The following SFMBT2 variants were observed in gnomAD, a reference collection of about 807,000 sequenced individuals.
SFMBT2 encodes the protein Scm like with four mbt domains 2, also known as scm-like with four MBT domains protein 2.
In SFMBT2, 38 loss-of-function variants were observed where a neutral mutation model predicts 110.1. The ratio of observed to expected loss-of-function variants is 0.35; its 90% confidence interval spans 0.27 to 0.45. The LOEUF is 0.45. Among genes scored for constraint, SFMBT2 ranks in the 20% least tolerant of loss-of-function variants. SFMBT2 has a pLI of 1.00. For missense variants in SFMBT2, 1,011 were observed against 1,094.9 expected (o/e 0.92, Z 1.08); for synonymous variants, 425 against 425.4 (o/e 1.00, Z 0.01).
In SFMBT2 at chr10:7,171,862, G is replaced by C; in HGVS notation, c.2415+33C>G. On this transcript the variant is annotated intron_variant, in intron 19 of 20. Transcript: ENST00000397167. This position sits in a 1 kb window ranked among gnomAD's most constrained non-coding sequence, Gnocchi z 4.9. ...ACAGGTGTGCTTCTTCAGACCCAGC[G>C]GGAAGCCCTCTGTCCCCACGCCCGG... is the stretch of plus-strand genomic sequence containing the variant. 1 of 1,389,450 alleles carries C rather than the reference G, an allele frequency of 7.2e-7. No individual in the cohort carries two copies. The highest frequency in any genetic ancestry group is 1.6e-5 in the South Asian group (1 of 61,194). The allele number at this position is 1,389,450 out of a possible 1,614,324, so 86.1% of individuals were successfully genotyped here. A position where few individuals can be genotyped will look rare whatever the true frequency, so the allele number is the denominator to read the frequency against.
chr10:7,247,120 T>C (rs1840642558), intron 8 of SFMBT2, among the ~76,000 whole-genome samples: 1 of 152,120 alleles, frequency 6.6e-6, no homozygotes, highest in African/African-American at 2.4e-5. Flanking sequence ...GTTTTTGTTG[T>C]TGTTTGTTTG....
intron 1 of SFMBT2, chr10:7,409,152 C>T (rs1846304168): frequency 6.6e-6 from 1 of 152,094 alleles, no homozygotes; most frequent in South Asian, 2.1e-4. Context: ...CCACCTCCCA[C>T]CCCAGAGCGG....
chr10:7,389,845 C>T (rs1357766069), intron 1 of SFMBT2, among the ~76,000 whole-genome samples: 1 of 152,200 alleles, frequency 6.6e-6, no homozygotes, highest in Non-Finnish European at 1.5e-5. Flanking sequence ...CAGATTATCC[C>T]TTTATGTTTG....
intron 4 of SFMBT2, among the ~76,000 whole-genome samples, chr10:7,311,045 C>CAAAAAAAAAAAAAAAAAACAAAAAAA (rs1842841674): frequency 2.1e-5 from 2 of 96,942 alleles, no homozygotes; most frequent in African/African-American, 3.9e-5. Context: ...AACTCCATCT[C>CAAAAAAAAAAAAAAAAAACAAAAAAA]AAAAAAAAAA....
chr10:7,397,682 T>G (rs991875788), intron 1 of SFMBT2, among the ~76,000 whole-genome samples: 11 of 152,224 alleles, frequency 7.2e-5, no homozygotes, highest in Middle Eastern at 3.2e-3. Context: ...TCCATGTTCC[T>G]AAGAAGCAGC....
intron 4 of SFMBT2, among the ~76,000 whole-genome samples, chr10:7,358,793 G>A (rs1354541465): frequency 1.3e-5 from 2 of 150,652 alleles, no homozygotes; most frequent in Admixed American, 6.6e-5. Context: ...TGGAATGGAG[G>A]CATGGTGGCC....
At position 7,242,549 on chromosome 10, in the gene SFMBT2, G is replaced by A. The variant is rs184166364; in HGVS notation, c.1120+1009C>T. Among the ~76,000 whole-genome samples, 526 of 152,300 alleles carry A rather than the reference G, an allele frequency of 3.5e-3. 2 individuals are homozygous for A. Among genetic ancestry groups the A allele is most frequent in the Admixed American group, 8.6e-3 (131 of 15,300 alleles). ...GTAAGTTTACCATATACCATTAGGCGGAACTCCATGACTGCACAACTTTAA... is the reference window on the plus strand; with the variant it reads ...GTAAGTTTACCATATACCATTAGGCAGAACTCCATGACTGCACAACTTTAA... On this transcript the variant is annotated intron_variant, in intron 9 of 20. Transcript: ENST00000397167.
chr10:7,363,631 C>T (rs1013354893), intron 4 of SFMBT2, among the ~76,000 whole-genome samples: 38 of 152,266 alleles, frequency 2.5e-4, no homozygotes, highest in African/African-American at 7.2e-4. Flanking sequence ...CAGGCGTGAG[C>T]CACCACACCC....
At chr10:7,323,454 AAAAAAAAAAAAAAACC>A (rs1195716606) in intron 4 of SFMBT2, among the ~76,000 whole-genome samples, 3 of 121,704 alleles carry the variant, frequency 2.5e-5, no homozygotes, top group Admixed American at 8.6e-5. Context: ...CCATCTCAAA[AAAAAAAAAAAAAAACC>A]AAAAAAAAAA....
intron 15 of SFMBT2, among the ~76,000 whole-genome samples, chr10:7,195,574 G>C (rs927192317): frequency 2.0e-5 from 3 of 152,170 alleles, no homozygotes; most frequent in Admixed American, 1.3e-4. Context: ...CTCTAAACAC[G>C]AACAAGGGCC....
intron 6 of SFMBT2, among the ~76,000 whole-genome samples, chr10:7,279,483 C>G (rs1211901533): frequency 1.3e-5 from 2 of 152,198 alleles, no homozygotes; most frequent in Non-Finnish European, 2.9e-5. Flanking sequence ...CTGACACAAC[C>G]AGCAGAGAAC....
At chr10:7,372,755 C>T (rs1220961062) in intron 2 of SFMBT2, among the ~76,000 whole-genome samples, 1 of 152,250 alleles carries the variant, frequency 6.6e-6, no homozygotes, top group Admixed American at 6.5e-5. Flanking sequence ...TCAGAGGCGT[C>T]AGCTCAGCAC....
chr10:7,296,535 T>G (rs1842411804), intron 4 of SFMBT2, among the ~76,000 whole-genome samples: 1 of 152,236 alleles, frequency 6.6e-6, no homozygotes. Context: ...CCATTCAAAT[T>G]TTTCCCAATA....
At chr10:7,203,220 T>TG (rs1301015800) in intron 12 of SFMBT2, 1 of 675,112 alleles carries the variant, frequency 1.5e-6, no homozygotes, top group African/African-American at 2.0e-5. Flanking sequence ...GGTTTGGAGT[T>TG]GGAGTTTGCC....
At position 7,265,847 on chromosome 10, in the gene SFMBT2, T is replaced by C. The variant is rs893292370; in HGVS notation, c.870+11045A>G. Among the ~76,000 whole-genome samples the C allele has an allele frequency of 2.0e-5, 3 of 152,198 alleles. No individual in the cohort carries two copies. In the East Asian group the frequency reaches 5.8e-4, roughly 29 times the overall value. Reference sequence around the variant, plus strand: ...CATTTACTGAGAACTGATGATGTCCTGGGTACTGCGGAAGGCACTGAGGAT... The same window carrying C: ...CATTTACTGAGAACTGATGATGTCCCGGGTACTGCGGAAGGCACTGAGGAT... On this transcript the variant is annotated intron_variant, in intron 7 of 20. Coordinates refer to ENST00000397167, the MANE Select transcript of SFMBT2 (RefSeq NM_001387889.1).
At chr10:7,225,394 G>A (rs991180796) in intron 10 of SFMBT2, among the ~76,000 whole-genome samples, 4 of 152,176 alleles carry the variant, frequency 2.6e-5, no homozygotes, top group African/African-American at 9.7e-5. Context: ...CAGGAGATGT[G>A]TGATTAAAAA....
chr10:7,372,653 C>T (rs912309472), intron 2 of SFMBT2, among the ~76,000 whole-genome samples: 1 of 152,234 alleles, frequency 6.6e-6, no homozygotes, highest in Non-Finnish European at 1.5e-5. Context: ...CTGGAAAACA[C>T]CTCAGGGTGG....
At chr10:7,206,835 G>A in intron 11 of SFMBT2, 1 of 975,218 alleles carries the variant, frequency 1.0e-6, no homozygotes. Context: ...TTTGAACCAG[G>A]AATCAAGAGA....
chr10:7,215,251 A>G (rs756642440), intron 11 of SFMBT2, among the ~76,000 whole-genome samples: 5 of 152,080 alleles, frequency 3.3e-5, no homozygotes, highest in South Asian at 4.1e-4. Context: ...AAAATACAAA[A>G]GAAATTAGCC....
Sources: gnomAD v4.1 joint callset for allele counts (sites outside exome capture counted in the v4.1 genomes callset) on GRCh38, gnomAD v4.1.1 for gene constraint, Gnocchi (gnomAD v3.1) non-coding constraint, MANE v1.5 for transcripts, NCBI Gene and HGNC (gene_info 2026-07-23, HGNC 2026-07-21) for gene names.